Variants in DSCAM observed in about 807,000 individuals in gnomAD.
The protein encoded by DSCAM is DS cell adhesion molecule, also known as cell adhesion molecule DSCAM.
A neutral mutation model predicts 217.7 loss-of-function variants in DSCAM; 47 were observed. That is an observed-to-expected ratio of 0.22 (90% CI 0.17 to 0.28). DSCAM has a LOEUF of 0.28. Ranked by LOEUF, DSCAM falls within the 10% of genes least tolerant of loss-of-function variation. DSCAM has a pLI of 1.00. For synonymous variants in DSCAM, 1,056 were observed against 1,015.3 expected, an observed-to-expected ratio of 1.04 and a Z score of -0.76; for missense variants, 2,080 against 2,618.3, an observed-to-expected ratio of 0.79 and a Z score of 4.49.
chr21:40,750,952 T>C (rs2091221334), intron 1 of DSCAM, among the ~76,000 whole-genome samples: 1 of 152,132 alleles, frequency 6.6e-6, no homozygotes, highest in Non-Finnish European at 1.5e-5. Flanking sequence ...CCATGCCCCT[T>C]CAGCTCTATG....
intron 3 of DSCAM, chr21:40,385,315 A>G (rs1456984956): frequency 2.6e-5 from 4 of 152,216 alleles, no homozygotes; most frequent in Non-Finnish European, 2.9e-5. Flanking sequence ...AATGTAACTC[A>G]TGCTAACCAT....
chr21:40,626,460 C>A (rs946283946), intron 3 of DSCAM, among the ~76,000 whole-genome samples: 19 of 152,222 alleles, frequency 1.2e-4, no homozygotes, highest in Admixed American at 1.0e-3. Context: ...CCCACTGTGT[C>A]AAACCCTATG....
intron 2 of DSCAM, among the ~76,000 whole-genome samples, chr21:40,693,420 A>G (rs1027759417): frequency 6.6e-6 from 1 of 152,154 alleles, no homozygotes; most frequent in African/African-American, 2.4e-5. Flanking sequence ...TGAAGAAAAA[A>G]AAATACACTA....
At chr21:40,139,049 G>C (rs983656702) in intron 18 of DSCAM, among the ~76,000 whole-genome samples, 1 of 146,348 alleles carries the variant, frequency 6.8e-6, no homozygotes, top group Admixed American at 6.8e-5. Context: ...TGTGTTGTGT[G>C]TGTGTGTATG....
intron 3 of DSCAM, among the ~76,000 whole-genome samples, chr21:40,640,741 A>C (rs1283314902): frequency 6.6e-6 from 1 of 152,042 alleles, no homozygotes; most frequent in Non-Finnish European, 1.5e-5. Context: ...AGTAATTTGG[A>C]TAAGTATCCA....
chr21:40,041,083 CTA>C (rs1254497916), intron 32 of DSCAM, among the ~76,000 whole-genome samples: 1 of 152,186 alleles, frequency 6.6e-6, no homozygotes, highest in African/African-American at 2.4e-5. Flanking sequence ...GCTGGATAAA[CTA>C]TTCTTATTTT....
chr21:40,137,614 C>T (rs34036031), intron 18 of DSCAM, among the ~76,000 whole-genome samples: 41,186 of 117,388 alleles, frequency 0.35, 6,961 homozygotes, highest in South Asian at 0.48. Flanking sequence ...CACACACACA[C>T]ACACACACAC....
At chr21:40,140,480 G>A (rs547979559) in intron 18 of DSCAM, among the ~76,000 whole-genome samples, 2 of 152,202 alleles carry the variant, frequency 1.3e-5, no homozygotes, top group South Asian at 2.1e-4. Flanking sequence ...TATGGGTGAT[G>A]TGGATGAAGT....
intron 1 of DSCAM, among the ~76,000 whole-genome samples, chr21:40,732,221 C>A (rs1350722040): frequency 6.6e-6 from 1 of 152,180 alleles, no homozygotes; most frequent in Non-Finnish European, 1.5e-5. Context: ...CTGCTGTGGG[C>A]AGGAGGATGA....
chr21:40,649,549 G>A lies in DSCAM; in HGVS notation c.508+43261C>T, dbSNP rs73905024. On this transcript the variant is annotated intron_variant, in intron 3 of 32. Transcript: ENST00000400454. Reference sequence around the variant, plus strand: ...CTGGCTGGATACCTATTCTGGATACGCCTCTTTATGTGCTCTGACAAAGAA... The same window carrying A: ...CTGGCTGGATACCTATTCTGGATACACCTCTTTATGTGCTCTGACAAAGAA... 2.8e-3 allele frequency among the ~76,000 whole-genome samples: 424 copies of A among 152,284 alleles called. 4 individuals are homozygous for A. The highest frequency in any genetic ancestry group is 5.7e-3 in the African/African-American group (238 of 41,566).
chr21:40,235,789 G>A (rs1327955655), intron 11 of DSCAM, among the ~76,000 whole-genome samples: 2 of 151,842 alleles, frequency 1.3e-5, no homozygotes, highest in African/African-American at 4.8e-5. Flanking sequence ...AAAAAATCAG[G>A]TCCCTTTACA....
chr21:40,227,308 A>C (rs2091342109), intron 11 of DSCAM, among the ~76,000 whole-genome samples: 1 of 152,216 alleles, frequency 6.6e-6, no homozygotes, highest in African/African-American at 2.4e-5. Context: ...GCATCCTGTG[A>C]GAATCACAGC....
chr21:40,794,528 T>C lies in DSCAM; in HGVS notation c.43+52091A>G, dbSNP rs2091673914. Among the ~76,000 whole-genome samples, 4 of 142,782 alleles carry C rather than the reference T, an allele frequency of 2.8e-5. No homozygotes were observed. In the South Asian group the frequency reaches 9.8e-4, roughly 35 times the overall value. The allele number at this position is 142,782 out of a possible 152,430, so 93.7% of individuals were successfully genotyped here. The stretch of plus-strand genomic sequence containing the variant: ...TGTGTTATGAGTAAAGCACGCCTGT[T>C]CTTAGTCAAATTGGAAAAAAAAAAA... On this transcript the variant is annotated intron_variant, in intron 1 of 32. Coordinates refer to ENST00000400454, the MANE Select transcript of DSCAM (RefSeq NM_001389.5).
intron 3 of DSCAM, among the ~76,000 whole-genome samples, chr21:40,482,165 G>A (rs2145989754): frequency 6.6e-6 from 1 of 152,306 alleles, no homozygotes; most frequent in Non-Finnish European, 1.5e-5. Context: ...GCATAGAAAT[G>A]AAGACCATTT....
At position 40,401,195 on chromosome 21, in the gene DSCAM, T is replaced by G. The variant is rs150035538; in HGVS notation, c.509-31950A>C. Among the ~76,000 whole-genome samples the G allele has an allele frequency of 9.1e-4, 139 of 152,342 alleles. 1 individual carries two copies. In the East Asian group the frequency reaches 0.017, roughly 18 times the overall value. On this transcript the variant is annotated intron_variant, in intron 3 of 32. Coordinates refer to ENST00000400454, the MANE Select transcript of DSCAM (RefSeq NM_001389.5). Reference sequence around the variant, plus strand: ...AGTAACAGTAACAGGAAAAGTAACTTTTTTAAAGTTCTATTAAGAAAAGGA... The same window carrying G: ...AGTAACAGTAACAGGAAAAGTAACTGTTTTAAAGTTCTATTAAGAAAAGGA...
chr21:40,189,250 A>G lies in DSCAM; in HGVS notation c.2357-12T>C, dbSNP rs752914477. On this transcript the variant is annotated splice_polypyrimidine_tract_variant and intron_variant, in intron 11 of 32. Transcript: ENST00000400454. ...TATCATCGCAGGAACTGAAAAAGCA[A>G]AAGGGACACAACTTGTTCAGCAAAG... The G allele has an allele frequency of 1.3e-6, 2 of 1,554,622 alleles. No individual in the cohort carries two copies. The highest frequency in any genetic ancestry group is 2.3e-5 in the East Asian group (1 of 43,638).
intron 1 of DSCAM, among the ~76,000 whole-genome samples, chr21:40,766,565 G>A (rs909185): frequency 0.79 from 119,720 of 150,680 alleles, 47,752 homozygotes; most frequent in African/African-American, 0.86. Flanking sequence ...AAGAGCATCA[G>A]ATGGAGAAAA....
chr21:40,206,423 G>C (rs1277721160), intron 11 of DSCAM, among the ~76,000 whole-genome samples: 1 of 152,012 alleles, frequency 6.6e-6, no homozygotes, highest in African/African-American at 2.4e-5. Flanking sequence ...TGACTCAGTG[G>C]GTCTAGGGGG....
intron 19 of DSCAM, among the ~76,000 whole-genome samples, chr21:40,128,962 T>A (rs958416333): frequency 2.0e-5 from 3 of 152,238 alleles, no homozygotes; most frequent in African/African-American, 7.2e-5. Flanking sequence ...CATACCTTAA[T>A]GTAAAAATAC....
Sources: allele counts gnomAD v4.1 joint callset (sites outside exome capture counted in the v4.1 genomes callset), GRCh38; gene constraint gnomAD v4.1.1; transcripts MANE v1.5; gene names NCBI Gene and HGNC (gene_info 2026-07-23, HGNC 2026-07-21).